The following GRXCR1 variants were observed in gnomAD, a reference collection of about 807,000 sequenced individuals.
GRXCR1 encodes the protein glutaredoxin domain-containing cysteine-rich protein 1.
In GRXCR1, 27 loss-of-function variants were observed where a neutral mutation model predicts 27.3. That is an observed-to-expected ratio of 0.99 (90% CI 0.73 to 1.37). The LOEUF is 1.37. Among genes scored for constraint, GRXCR1 ranks in the 40% most tolerant of loss-of-function variants. The probability of loss-of-function intolerance (pLI) is 0.00; values close to 1 mark genes in which losing one functional copy is unlikely to be tolerated. For missense variants in GRXCR1, 379 were observed against 354.4 expected (o/e 1.07, Z -0.56); for synonymous variants, 122 against 131.1 (o/e 0.93, Z 0.47).
intron 3 of GRXCR1, among the ~76,000 whole-genome samples, chr4:43,021,767 G>T (rs1412563663): frequency 6.6e-6 from 1 of 152,076 alleles, no homozygotes; most frequent in East Asian, 1.9e-4. Flanking sequence ...AATTTACTAT[G>T]GTCTGATTCT....
chr4:42,931,655 G>A (rs773874672), intron 1 of GRXCR1, among the ~76,000 whole-genome samples: 60 of 151,654 alleles, frequency 4.0e-4, no homozygotes, highest in Admixed American at 2.9e-3. Flanking sequence ...TTTGAAATAC[G>A]TATACGTTGT....
intron 2 of GRXCR1, among the ~76,000 whole-genome samples, chr4:43,019,979 G>A (rs1713045142): frequency 6.6e-6 from 1 of 152,160 alleles, no homozygotes; most frequent in African/African-American, 2.4e-5. Flanking sequence ...GTAAGGTAGA[G>A]ATAACCGAGG....
intron 2 of GRXCR1, among the ~76,000 whole-genome samples, chr4:42,993,663 G>C (rs924930940): frequency 6.6e-6 from 1 of 152,022 alleles, no homozygotes; most frequent in African/African-American, 2.4e-5. Flanking sequence ...ATTGAATACT[G>C]TACTGAAAGT....
At chr4:42,964,161 G>A (rs1444581850) in intron 2 of GRXCR1, among the ~76,000 whole-genome samples, 2 of 151,906 alleles carry the variant, frequency 1.3e-5, no homozygotes, top group African/African-American at 4.8e-5. Context: ...TTGAAGTATT[G>A]ATCCTCTTTT....
intron 1 of GRXCR1, among the ~76,000 whole-genome samples, chr4:42,895,308 C>G (rs1230418691): frequency 1.3e-5 from 2 of 152,084 alleles, no homozygotes; most frequent in Non-Finnish European, 2.9e-5. Context: ...TAGCCCCATT[C>G]CACGTATTCC....
intron 1 of GRXCR1, among the ~76,000 whole-genome samples, chr4:42,937,101 C>T (rs1747478018): frequency 6.6e-6 from 1 of 151,786 alleles, no homozygotes; most frequent in Admixed American, 6.6e-5. Flanking sequence ...GAAGATTTGG[C>T]TTAGTCCTTA....
chr4:42,970,248 C>G (rs1281936809), intron 2 of GRXCR1, among the ~76,000 whole-genome samples: 3 of 152,098 alleles, frequency 2.0e-5, no homozygotes, highest in Non-Finnish European at 4.4e-5. Context: ...TACAAGCTGT[C>G]AGTGGATCTA....
intron 1 of GRXCR1, among the ~76,000 whole-genome samples, chr4:42,911,293 A>G (rs1038037948): frequency 1.3e-5 from 2 of 152,184 alleles, no homozygotes; most frequent in Admixed American, 1.3e-4. Flanking sequence ...GAAGTTTACT[A>G]GGTTTCCAAA....
intron 3 of GRXCR1, among the ~76,000 whole-genome samples, chr4:43,029,253 A>C (rs1713348725): frequency 6.6e-6 from 1 of 152,186 alleles, no homozygotes; most frequent in Non-Finnish European, 1.5e-5. Context: ...TTGAGGCTTT[A>C]ATATGTGCAA....
rs149714718 is a variant in GRXCR1, at chr4:42,937,737, T to G, written c.385-25155T>G. Among the ~76,000 whole-genome samples the G allele has an allele frequency of 1.1e-3, 173 of 152,096 alleles. 1 individual carries two copies. The highest frequency in any genetic ancestry group is 4.1e-3 in the African/African-American group (170 of 41,542). ...ATCATCTATTTACTTAATATTTCAATTCTCATATACATGTATAGCAATTGT... is the reference window on the plus strand; with the variant it reads ...ATCATCTATTTACTTAATATTTCAAGTCTCATATACATGTATAGCAATTGT... On this transcript the variant is annotated intron_variant, in intron 1 of 3. Coordinates refer to ENST00000399770, the MANE Select transcript of GRXCR1 (RefSeq NM_001080476.3).
chr4:43,030,330 T>C (rs1713386142), intron 3 of GRXCR1, 31 bp from the exon 4 acceptor site: 1 of 1,607,262 alleles, frequency 6.2e-7, no homozygotes, highest in Admixed American at 1.7e-5. Context: ...ACATCCTCTG[T>C]TTTCTCTTGT....
intron 1 of GRXCR1, among the ~76,000 whole-genome samples, chr4:42,961,943 A>G (rs1191870768): frequency 2.6e-5 from 4 of 151,948 alleles, no homozygotes; most frequent in Non-Finnish European, 5.9e-5. Context: ...AAAAAATTAC[A>G]GCTTTGTGAA....
chr4:42,927,400 A>T (rs886133939), intron 1 of GRXCR1, among the ~76,000 whole-genome samples: 5 of 152,032 alleles, frequency 3.3e-5, no homozygotes, highest in Non-Finnish European at 7.4e-5. Context: ...TGATGCTTCT[A>T]GAGACCTCAC....
intron 1 of GRXCR1, among the ~76,000 whole-genome samples, chr4:42,949,930 A>C (rs1009159385): frequency 6.6e-6 from 1 of 152,194 alleles, no homozygotes; most frequent in African/African-American, 2.4e-5. Flanking sequence ...ACTTCTCTTC[A>C]TCACACTGAC....
At chr4:42,898,076 T>A (rs867554221) in intron 1 of GRXCR1, among the ~76,000 whole-genome samples, 15 of 151,834 alleles carry the variant, frequency 9.9e-5, no homozygotes, top group Admixed American at 6.6e-4. Flanking sequence ...TCAAAAGTGT[T>A]GTACTATATG....
At chr4:42,990,982 AT>A (rs1217947377) in intron 2 of GRXCR1, among the ~76,000 whole-genome samples, 1 of 152,040 alleles carries the variant, frequency 6.6e-6, no homozygotes, top group African/African-American at 2.4e-5. Flanking sequence ...GTTTTTATCA[AT>A]TTGTCTTCAT....
intron 2 of GRXCR1, among the ~76,000 whole-genome samples, chr4:43,017,359 T>C (rs77210997): frequency 0.03 from 4,614 of 152,288 alleles, 76 homozygotes; most frequent in African/African-American, 0.037. Context: ...GGAAAGAGTA[T>C]AGGTTTTGGA....
chr4:42,980,257 CT>C (rs36013957), intron 2 of GRXCR1, among the ~76,000 whole-genome samples: 30,202 of 151,628 alleles, frequency 0.2, 3,722 homozygotes, highest in Middle Eastern at 0.29. Context: ...GATCTTTCTT[CT>C]TTGACGTAGG....
At chr4:42,935,547 C>T (rs780995893) in intron 1 of GRXCR1, among the ~76,000 whole-genome samples, 3 of 151,770 alleles carry the variant, frequency 2.0e-5, no homozygotes, top group Non-Finnish European at 2.9e-5. Context: ...ATGTTTCTGA[C>T]AGTCAGATGG....
Sources: gnomAD v4.1 joint callset for allele counts (sites outside exome capture counted in the v4.1 genomes callset) on GRCh38, gnomAD v4.1.1 for gene constraint, MANE v1.5 for transcripts, NCBI Gene and HGNC (gene_info 2026-07-23, HGNC 2026-07-21) for gene names.